The following KCNQ3 variants were observed in gnomAD, a reference collection of about 807,000 sequenced individuals.
KCNQ3 encodes potassium voltage-gated channel subfamily Q member 3, also known as potassium voltage-gated channel subfamily KQT member 3.
In KCNQ3, 30 loss-of-function variants were observed where a neutral mutation model predicts 92.5. The ratio of observed to expected loss-of-function variants is 0.32; its 90% confidence interval spans 0.24 to 0.44. The LOEUF is 0.44. Ranked by LOEUF, KCNQ3 falls within the 20% of genes least tolerant of loss-of-function variation. The pLI is 1.00. For synonymous variants in KCNQ3, 450 were observed against 468.8 expected, an observed-to-expected ratio of 0.96 and a Z score of 0.52; for missense variants, 913 against 1,140.3, an observed-to-expected ratio of 0.80 and a Z score of 2.87.
intron 1 of KCNQ3, among the ~76,000 whole-genome samples, chr8:132,356,382 C>T (rs1239559656): frequency 1.3e-5 from 2 of 152,142 alleles, no homozygotes; most frequent in East Asian, 1.9e-4. Flanking sequence ...CACTACTCTA[C>T]GAAGCAGGAA....
chr8:132,144,534 A>C (rs1275692495), intron 9 of KCNQ3, among the ~76,000 whole-genome samples: 2 of 152,222 alleles, frequency 1.3e-5, no homozygotes, highest in African/African-American at 4.8e-5. Flanking sequence ...GGCTCTTGAC[A>C]TGTTAAGTGC....
chr8:132,284,653 G>A (rs908562609), intron 1 of KCNQ3, among the ~76,000 whole-genome samples: 1 of 152,090 alleles, frequency 6.6e-6, no homozygotes. Context: ...ATCTTTCCAA[G>A]GAAAAGAAGT....
chr8:132,422,538 A>T (rs1291259788), intron 1 of KCNQ3, among the ~76,000 whole-genome samples: 1 of 152,048 alleles, frequency 6.6e-6, no homozygotes, highest in Non-Finnish European at 1.5e-5. Flanking sequence ...GCCTTCCTTT[A>T]GTTCCTGGAA....
Position 132,154,193 on chromosome 8 carries a change from G to GTTTTTTTTTTTTTTTTTT in KCNQ3, c.1262+9257_1262+9274dup, listed in dbSNP as rs869112851. ...CTGATGTACCATCAAAAGGGTAAAA[G>GTTTTTTTTTTTTTTTTTT]TTTTTTTTTTTTTTTTTTTTTTTTT... On this transcript the variant is annotated intron_variant, in intron 9 of 14. Transcript: ENST00000388996. 5.9e-3 allele frequency among the ~76,000 whole-genome samples: 162 copies of GTTTTTTTTTTTTTTTTTT among 27,406 alleles called. 22 individuals are homozygous for GTTTTTTTTTTTTTTTTTT. The highest frequency in any genetic ancestry group is 7.1e-3 in the East Asian group (6 of 840). The allele number at this position is 27,406 out of a possible 152,430, so 18.0% of individuals were successfully genotyped here.
In KCNQ3 at chr8:132,220,859, A is replaced by G. The variant is rs557078763; in HGVS notation, c.387-34678T>C. Reference sequence around the variant, plus strand: ...ACTTTAAGTTCTAGGGTACATGTGCACAATGTGCAGGTTTGTTATATAGGT... The same window carrying G: ...ACTTTAAGTTCTAGGGTACATGTGCGCAATGTGCAGGTTTGTTATATAGGT... On this transcript the variant is annotated intron_variant, in intron 1 of 14. Transcript: ENST00000388996. 3.9e-5 allele frequency among the ~76,000 whole-genome samples: 6 copies of G among 152,206 alleles called. No individual in the cohort carries two copies. In the South Asian group the frequency reaches 1.2e-3, roughly 32 times the overall value.
chr8:132,300,427 G>A (rs1407792935), intron 1 of KCNQ3, among the ~76,000 whole-genome samples: 1 of 152,206 alleles, frequency 6.6e-6, no homozygotes, highest in Non-Finnish European at 1.5e-5. Context: ...CTGAGGGGCT[G>A]CTGAAGGAAG....
rs776566845 is a variant in KCNQ3 at position 132,175,421 on chromosome 8, T to C, written c.933+32A>G. 10 of 1,612,800 alleles carry C rather than the reference T, an allele frequency of 6.2e-6. No individual in the cohort carries two copies. In the South Asian group the frequency reaches 1.1e-4, roughly 18 times the overall value. On this transcript the variant is annotated intron_variant, in intron 5 of 14. Transcript: ENST00000388996. ...TCTCTCTGACTCTTGACAGTCAATC[T>C]CACAGAATTGGCCTCCAAGGTAGTG...
intron 1 of KCNQ3, among the ~76,000 whole-genome samples, chr8:132,274,138 G>A (rs1167840732): frequency 6.6e-6 from 1 of 152,134 alleles, no homozygotes; most frequent in Non-Finnish European, 1.5e-5. Context: ...TTTTCACGTT[G>A]CTGATAAAGA....
intron 1 of KCNQ3, among the ~76,000 whole-genome samples, chr8:132,212,385 A>T (rs1813889103): frequency 6.6e-6 from 1 of 152,050 alleles, no homozygotes; most frequent in Middle Eastern, 3.2e-3. Flanking sequence ...CTGGAAACAT[A>T]TGGAATACCA....
intron 1 of KCNQ3, among the ~76,000 whole-genome samples, chr8:132,359,057 C>A (rs116934512): frequency 1.3e-5 from 2 of 152,324 alleles, no homozygotes; most frequent in East Asian, 3.9e-4. Context: ...ACCTCTTCAC[C>A]TTGGCCCCAT....
At chr8:132,163,183 A>T (rs1356904708) in intron 9 of KCNQ3, among the ~76,000 whole-genome samples, 1 of 152,206 alleles carries the variant, frequency 6.6e-6, no homozygotes, top group Non-Finnish European at 1.5e-5. Flanking sequence ...ATTAGGGCCT[A>T]TCTTACATTG....
chr8:132,197,013 AT>A (rs200485313), intron 1 of KCNQ3, among the ~76,000 whole-genome samples: 9,477 of 138,718 alleles, frequency 0.068, 289 homozygotes, highest in Middle Eastern at 0.079. Flanking sequence ...TGTCTCATGG[AT>A]TTTTTTTTTT....
intron 3 of KCNQ3, among the ~76,000 whole-genome samples, chr8:132,181,102 C>A (rs1049452818): frequency 3.9e-5 from 6 of 152,102 alleles, no homozygotes; most frequent in Non-Finnish European, 8.8e-5. Flanking sequence ...ACATGGGATG[C>A]TGGTATCAGG....
chr8:132,280,948 G>C (rs1056637516), intron 1 of KCNQ3, among the ~76,000 whole-genome samples: 2 of 152,140 alleles, frequency 1.3e-5, no homozygotes, highest in Admixed American at 1.3e-4. Flanking sequence ...AAGAAGTGAC[G>C]CAATTCCTTT....
At chr8:132,163,130 C>A (rs546240040) in intron 9 of KCNQ3, among the ~76,000 whole-genome samples, 38 of 152,194 alleles carry the variant, frequency 2.5e-4, no homozygotes, top group African/African-American at 8.9e-4. Context: ...CAATCTCAAC[C>A]CAACCTCTCT....
In KCNQ3 at chr8:132,175,640, G is replaced by A. The variant is rs779274040; in HGVS notation, c.778-32C>T. 7 of 1,609,820 alleles carry A rather than the reference G, an allele frequency of 4.3e-6. No homozygotes were observed. In the South Asian group the frequency reaches 7.7e-5, roughly 18 times the overall value. ...GAATGAACAGTGGACATGAAAAGTG[G>A]TCACTGGGGAGTCGTTGAGTGGATG... On this transcript the variant is annotated intron_variant, in intron 4 of 14. Transcript: ENST00000388996.
intron 4 of KCNQ3, among the ~76,000 whole-genome samples, chr8:132,178,950 A>G (rs1016296091): frequency 1.4e-5 from 2 of 148,068 alleles, no homozygotes; most frequent in African/African-American, 5.0e-5. Context: ...TCCTATTAAA[A>G]GAGACCTAGG....
chr8:132,254,614 G>A (rs1563827356), intron 1 of KCNQ3, among the ~76,000 whole-genome samples: 1 of 152,170 alleles, frequency 6.6e-6, no homozygotes, highest in Non-Finnish European at 1.5e-5. Context: ...ATGTATGGTG[G>A]CTCATGCCTG....
chr8:132,342,324 T>C (rs1818556036), intron 1 of KCNQ3, among the ~76,000 whole-genome samples: 1 of 105,174 alleles, frequency 9.5e-6, no homozygotes. Context: ...TTCTTTTTTC[T>C]TTTTTTTTAA....
Sources: gnomAD v4.1 joint callset for allele counts (sites outside exome capture counted in the v4.1 genomes callset) on GRCh38, gnomAD v4.1.1 for gene constraint, MANE v1.5 for transcripts, NCBI Gene and HGNC (gene_info 2026-07-23, HGNC 2026-07-21) for gene names.